Variants in MINPP1 observed in about 807,000 individuals in gnomAD.
The protein encoded by MINPP1 is multiple inositol-polyphosphate phosphatase 1, also known as multiple inositol polyphosphate phosphatase 1.
In MINPP1, 28 loss-of-function variants were observed where a neutral mutation model predicts 46.1. That is an observed-to-expected ratio of 0.61 (90% CI 0.45 to 0.83). MINPP1 has a LOEUF of 0.83. MINPP1 is among the 40% of genes least tolerant of loss of function. The probability of loss-of-function intolerance (pLI) is 0.00; values close to 1 mark genes in which losing one functional copy is unlikely to be tolerated. For synonymous variants in MINPP1, 268 were observed against 249.1 expected (o/e 1.08, Z -0.72); for missense variants, 603 against 610.0 (o/e 0.99, Z 0.12).
At chr10:87,515,551 T>G (rs1309982938) in intron 3 of MINPP1, among the ~76,000 whole-genome samples, 2 of 152,208 alleles carry the variant, frequency 1.3e-5, no homozygotes, top group Non-Finnish European at 2.9e-5. Flanking sequence ...TTGATTGAGG[T>G]ATTTTCTATT....
Position 87,505,596 on chromosome 10 carries a change from C to G in MINPP1, c.637+44C>G. 6.4e-7 allele frequency: 1 copy of G among 1,556,964 alleles called. No homozygotes were observed. The highest frequency in any genetic ancestry group is 8.6e-7 in the Non-Finnish European group (1 of 1,156,592). On this transcript the variant is annotated intron_variant, in intron 1 of 4. Coordinates refer to ENST00000371996, the MANE Select transcript of MINPP1 (RefSeq NM_004897.5). This position sits in a 1 kb window ranked among gnomAD's most constrained non-coding sequence, Gnocchi z 4.4. ...CGTGTGCTGTCCCGGTCCTCCCACCCGCCCTGGATGCTCTCCCGCCTCCCC... is the reference window on the plus strand; with the variant it reads ...CGTGTGCTGTCCCGGTCCTCCCACCGGCCCTGGATGCTCTCCCGCCTCCCC...
intron 4 of MINPP1, among the ~76,000 whole-genome samples, chr10:87,530,510 G>A (rs180692187): frequency 2.6e-4 from 39 of 152,286 alleles, no homozygotes; most frequent in Admixed American, 1.4e-3. Context: ...TATCACCAGC[G>A]GAGGCTGCAG....
intron 3 of MINPP1, among the ~76,000 whole-genome samples, chr10:87,516,118 C>T (rs1206495284): frequency 9.7e-6 from 1 of 102,778 alleles, no homozygotes; most frequent in Non-Finnish European, 2.5e-5. Context: ...TGTGAGCCAC[C>T]GCACCTGGCC....
At chr10:87,521,697 C>G (rs905310781) in intron 4 of MINPP1, among the ~76,000 whole-genome samples, 4 of 152,166 alleles carry the variant, frequency 2.6e-5, no homozygotes, top group African/African-American at 9.7e-5. Context: ...AATATACCAT[C>G]TACTCTTGTC....
intron 4 of MINPP1, among the ~76,000 whole-genome samples, chr10:87,551,506 C>A (rs1017594782): frequency 1.3e-5 from 2 of 151,952 alleles, no homozygotes; most frequent in African/African-American, 4.8e-5. Flanking sequence ...TACTCCCACT[C>A]CCAACCAGAG....
At chr10:87,513,276 G>C (rs1851362707) in intron 3 of MINPP1, 55 bp downstream of exon 3, 19 of 1,332,776 alleles carry the variant, frequency 1.4e-5, no homozygotes, top group Non-Finnish European at 1.9e-5. Flanking sequence ...TTTTTGGCTT[G>C]CTTGTTTGCA....
intron 4 of MINPP1, among the ~76,000 whole-genome samples, chr10:87,544,593 A>G (rs957808579): frequency 2.6e-5 from 4 of 152,180 alleles, no homozygotes; most frequent in Non-Finnish European, 4.4e-5. Context: ...AAAAGACAGC[A>G]CTTTGGAGAT....
At chr10:87,519,051 T>C (rs1333616044) in intron 3 of MINPP1, among the ~76,000 whole-genome samples, 2 of 151,916 alleles carry the variant, frequency 1.3e-5, no homozygotes, top group Non-Finnish European at 2.9e-5. Context: ...TCCGCACAGG[T>C]GAAAGGGAGG....
intron 4 of MINPP1, among the ~76,000 whole-genome samples, chr10:87,530,783 T>C (rs930696467): frequency 4.6e-5 from 7 of 152,214 alleles, no homozygotes; most frequent in African/African-American, 1.7e-4. Context: ...TTTGTTCAGC[T>C]ACGCCCTGCC....
intron 4 of MINPP1, among the ~76,000 whole-genome samples, chr10:87,539,515 A>C (rs1394866339): frequency 6.6e-6 from 1 of 152,244 alleles, no homozygotes; most frequent in African/African-American, 2.4e-5. Flanking sequence ...TTAAATATTC[A>C]TTCTACTTAG....
At chr10:87,536,140 T>A (rs1376659337) in intron 4 of MINPP1, among the ~76,000 whole-genome samples, 1 of 152,218 alleles carries the variant, frequency 6.6e-6, no homozygotes, top group Non-Finnish European at 1.5e-5. Context: ...TTATCTTTGA[T>A]AACCCACTAT....
intron 4 of MINPP1, among the ~76,000 whole-genome samples, chr10:87,540,309 A>G (rs948410859): frequency 1.3e-5 from 2 of 152,242 alleles, no homozygotes; most frequent in Non-Finnish European, 1.5e-5. Flanking sequence ...TAGCAATCTT[A>G]TGACAAAATA....
intron 4 of MINPP1, among the ~76,000 whole-genome samples, chr10:87,523,720 C>T (rs1298271583): frequency 6.6e-6 from 1 of 152,118 alleles, no homozygotes; most frequent in Non-Finnish European, 1.5e-5. Context: ...ACTACTTGAT[C>T]TATGGGATGC....
intron 4 of MINPP1, among the ~76,000 whole-genome samples, chr10:87,536,257 TA>T (rs1851734079): frequency 6.6e-6 from 1 of 152,238 alleles, no homozygotes; most frequent in African/African-American, 2.4e-5. Context: ...CTAAAACAGA[TA>T]AAAACAAAAT....
chr10:87,545,209 A>C (rs774745710), intron 4 of MINPP1, among the ~76,000 whole-genome samples: 11 of 152,170 alleles, frequency 7.2e-5, no homozygotes, highest in Non-Finnish European at 1.5e-4. Flanking sequence ...ATAGCATATT[A>C]TATGAATTAT....
chr10:87,522,507 T>G (rs1851517178), intron 4 of MINPP1, among the ~76,000 whole-genome samples: 1 of 152,200 alleles, frequency 6.6e-6, no homozygotes, highest in Admixed American at 6.5e-5. Context: ...ACACAATTTT[T>G]TTGGTTTCCC....
intron 4 of MINPP1, among the ~76,000 whole-genome samples, chr10:87,535,002 C>G (rs1252990999): frequency 6.6e-6 from 1 of 152,190 alleles, no homozygotes; most frequent in Non-Finnish European, 1.5e-5. Flanking sequence ...AGAAGTTATA[C>G]CCGCTACATC....
chr10:87,542,172 C>G (rs996872243), intron 4 of MINPP1, among the ~76,000 whole-genome samples: 12 of 152,180 alleles, frequency 7.9e-5, no homozygotes, highest in African/African-American at 2.7e-4. Context: ...TCCCAAGATA[C>G]AGTGGTAGTA....
At chr10:87,517,577 A>G (rs1453251352) in intron 3 of MINPP1, among the ~76,000 whole-genome samples, 1 of 152,218 alleles carries the variant, frequency 6.6e-6, no homozygotes, top group African/African-American at 2.4e-5. Flanking sequence ...TATAGCTACA[A>G]TTTTTAATTT....
Sources: gnomAD v4.1 joint callset for allele counts (sites outside exome capture counted in the v4.1 genomes callset) on GRCh38, gnomAD v4.1.1 for gene constraint, Gnocchi (gnomAD v3.1) non-coding constraint, MANE v1.5 for transcripts, NCBI Gene and HGNC (gene_info 2026-07-23, HGNC 2026-07-21) for gene names.